Variants in PTPRD observed in about 807,000 individuals in gnomAD.
PTPRD encodes the protein protein tyrosine phosphatase receptor type D, also known as receptor-type tyrosine-protein phosphatase delta.
Under a neutral mutation model 214.5 loss-of-function variants are expected in PTPRD, and 34 were observed. That is an observed-to-expected ratio of 0.16 (90% confidence interval 0.12 to 0.21). The LOEUF is 0.21. PTPRD is among the 10% of genes least tolerant of loss of function. PTPRD has a pLI of 1.00. For synonymous variants in PTPRD, 1,128 were observed against 845.7 expected (o/e 1.33, Z -5.79); for missense variants, 2,545 against 2,398.7 (o/e 1.06, Z -1.27).
chr9:9,468,904 T>A (rs17831559), intron 8 of PTPRD, among the ~76,000 whole-genome samples: 1 of 151,786 alleles, frequency 6.6e-6, no homozygotes, highest in Non-Finnish European at 1.5e-5. Context: ...CAGGGCAAAT[T>A]CTCATGTGTA....
intron 12 of PTPRD, among the ~76,000 whole-genome samples, chr9:8,694,163 C>A (rs1371228876): frequency 2.0e-5 from 3 of 151,928 alleles, no homozygotes; most frequent in Non-Finnish European, 4.4e-5. Context: ...TATTTAAATG[C>A]AGAGCTAATA....
intron 35 of PTPRD, among the ~76,000 whole-genome samples, chr9:8,413,839 C>G (rs188550401): frequency 1.3e-5 from 2 of 152,028 alleles, no homozygotes; most frequent in Admixed American, 1.3e-4. Flanking sequence ...AGATTACTCT[C>G]AAAGATTAGT....
chr9:8,566,763 A>G (rs1006989508), intron 14 of PTPRD, among the ~76,000 whole-genome samples: 1 of 152,234 alleles, frequency 6.6e-6, no homozygotes, highest in Admixed American at 6.5e-5. Flanking sequence ...TATACATTTT[A>G]AGATAAAAAG....
chr9:9,174,669 T>C (rs1042860021), intron 10 of PTPRD, among the ~76,000 whole-genome samples: 2 of 152,180 alleles, frequency 1.3e-5, no homozygotes, highest in Non-Finnish European at 2.9e-5. Context: ...TTTCATAATC[T>C]TATTTAATAA....
At chr9:9,956,350 G>A (rs1195736550) in intron 4 of PTPRD, among the ~76,000 whole-genome samples, 1 of 150,702 alleles carries the variant, frequency 6.6e-6, no homozygotes, top group Non-Finnish European at 1.5e-5. Flanking sequence ...TGATTTAATT[G>A]AGGCTGAGAG....
chr9:10,469,014 T>C (rs2099012948), intron 2 of PTPRD, among the ~76,000 whole-genome samples: 1 of 152,098 alleles, frequency 6.6e-6, no homozygotes, highest in South Asian at 2.1e-4. Context: ...ACCCAAAACC[T>C]ATAGTAAATA....
intron 9 of PTPRD, among the ~76,000 whole-genome samples, chr9:9,262,885 C>A (rs2099980747): frequency 6.6e-6 from 1 of 151,554 alleles, no homozygotes; most frequent in African/African-American, 2.4e-5. Context: ...TGTGTTGACT[C>A]TGCTTTCAAA....
chr9:9,016,695 G>A (rs2099536840), intron 11 of PTPRD, among the ~76,000 whole-genome samples: 1 of 152,096 alleles, frequency 6.6e-6, no homozygotes, highest in Non-Finnish European at 1.5e-5. Context: ...TGAATCACAA[G>A]TACAAACAAC....
intron 7 of PTPRD, among the ~76,000 whole-genome samples, chr9:9,591,942 C>T (rs115917235): frequency 6.6e-6 from 1 of 152,044 alleles, no homozygotes; most frequent in Admixed American, 6.6e-5. Context: ...TGTACCCAAT[C>T]ACCGGTCTCT....
chr9:8,608,666 A>G lies in PTPRD; in HGVS notation c.352+24651T>C, dbSNP rs182978285. Reference sequence around the variant, plus strand: ...AGAATACTGGAAAATCACGGCGTTTAGTACATGAATAGCAGTTGCCATTAG... The same window carrying G: ...AGAATACTGGAAAATCACGGCGTTTGGTACATGAATAGCAGTTGCCATTAG... On this transcript the variant is annotated intron_variant, in intron 14 of 45. Coordinates refer to ENST00000381196, the MANE Select transcript of PTPRD (RefSeq NM_002839.4). 1.1e-4 allele frequency among the ~76,000 whole-genome samples: 16 copies of G among 152,340 alleles called. No homozygotes were observed. The East Asian group carries it at 3.1e-3, about 29-fold the overall frequency.
intron 14 of PTPRD, among the ~76,000 whole-genome samples, chr9:8,538,961 G>C (rs879858464): frequency 6.6e-6 from 1 of 151,770 alleles, no homozygotes; most frequent in Admixed American, 6.6e-5. Flanking sequence ...GAACAAGCAA[G>C]GAATGAGAAC....
At chr9:9,804,839 T>C (rs900584640) in intron 5 of PTPRD, among the ~76,000 whole-genome samples, 1 of 151,398 alleles carries the variant, frequency 6.6e-6, no homozygotes, top group African/African-American at 2.4e-5. Context: ...TTAAATTTCA[T>C]CCACATTTTA....
intron 2 of PTPRD, among the ~76,000 whole-genome samples, chr9:10,569,035 C>T (rs2066581359): frequency 6.6e-6 from 1 of 151,978 alleles, no homozygotes; most frequent in South Asian, 2.1e-4. Flanking sequence ...TGACAAAGGG[C>T]TAATATCCAG....
intron 3 of PTPRD, among the ~76,000 whole-genome samples, chr9:10,320,009 TA>T (rs1174710448): frequency 1.3e-5 from 2 of 152,076 alleles, no homozygotes; most frequent in African/African-American, 4.8e-5. Context: ...ATAAAATGCC[TA>T]AAATGCATTA....
intron 9 of PTPRD, among the ~76,000 whole-genome samples, chr9:9,387,265 A>T (rs1216370903): frequency 6.6e-6 from 1 of 152,202 alleles, no homozygotes; most frequent in Non-Finnish European, 1.5e-5. Context: ...TATTTTAATA[A>T]TACAAGTTGG....
chr9:10,469,370 T>C (rs2099015212), intron 2 of PTPRD, among the ~76,000 whole-genome samples: 2 of 152,194 alleles, frequency 1.3e-5, no homozygotes, highest in South Asian at 4.1e-4. Flanking sequence ...TGAAAAACAT[T>C]ATAAAACAGG....
At chr9:9,977,930 G>GA (rs150804018) in intron 4 of PTPRD, among the ~76,000 whole-genome samples, 83,979 of 150,028 alleles carry the variant, frequency 0.56, 24,971 homozygotes, top group Middle Eastern at 0.78. Context: ...TACCTTTCCA[G>GA]AAAAAAAAAA....
rs550981636 is a variant in PTPRD, at chr9:8,353,173, T to C, written c.4662-11195A>G. On this transcript the variant is annotated intron_variant, in intron 39 of 45. Coordinates refer to ENST00000381196, the MANE Select transcript of PTPRD (RefSeq NM_002839.4). ...ATTTAAATGGTATTGTCCAATAGTT[T>C]GGAAGGCTCTAAATCTGTGGTTCCT... Among the ~76,000 whole-genome samples the C allele has an allele frequency of 1.2e-4, 19 of 152,282 alleles. No individual in the cohort carries two copies. In the South Asian group the frequency reaches 3.9e-3, roughly 32 times the overall value.
At chr9:9,306,367 C>CTT (rs1957123852) in intron 9 of PTPRD, among the ~76,000 whole-genome samples, 1 of 151,324 alleles carries the variant, frequency 6.6e-6, no homozygotes. Context: ...AGTTTGGGAC[C>CTT]AGCCTGGCTA....
Sources: allele counts gnomAD v4.1 joint callset (sites outside exome capture counted in the v4.1 genomes callset), GRCh38; gene constraint gnomAD v4.1.1; transcripts MANE v1.5; gene names NCBI Gene and HGNC (gene_info 2026-07-23, HGNC 2026-07-21).